Variants in ZNF507 observed in about 807,000 individuals in gnomAD.
The protein encoded by ZNF507 is zinc finger protein 507.
Under a neutral mutation model 80.0 loss-of-function variants are expected in ZNF507, and 29 were observed. That is an observed-to-expected ratio of 0.36 (90% CI 0.27 to 0.49). ZNF507 has a LOEUF of 0.49. ZNF507 is among the 20% of genes least tolerant of loss of function. The pLI is 0.98. For missense variants in ZNF507, 1,081 were observed against 1,152.2 expected, an observed-to-expected ratio of 0.94 and a Z score of 0.90; for synonymous variants, 462 against 422.5, an observed-to-expected ratio of 1.09 and a Z score of -1.15.
chr19:32,353,997 C>G lies in ZNF507; in HGVS notation c.1167C>G (p.Pro389=), dbSNP rs1359000125. 6.2e-7 allele frequency: 1 copy of G among 1,614,050 alleles called. No individual in the cohort carries two copies. The highest frequency in any genetic ancestry group is 8.5e-7 in the Non-Finnish European group (1 of 1,180,000). The stretch of plus-strand genomic sequence containing the variant: ...CACAGAAAATCATCAGCAGCAGCCC[C>G]AATAAAAAAGGGCATGTTAACGTGA... ...TSAQKIISSS[P]NKKGHVNVIV... The change falls in exon 3 of 7, where the codon CCC becomes CCG. Residue 389 remains proline, a synonymous_variant. Transcript: ENST00000355898.
rs1048576784 is a variant in ZNF507, at chr19:32,386,718, C to T, written c.*3635C>T. On this transcript the variant is annotated 3_prime_UTR_variant, in exon 7 of 7. Transcript: ENST00000355898. Reference sequence around the variant, plus strand: ...AGTTCATCTGTTCAGAACAGTGAGGCAAGGTCTGTAGTGCTTCTTTAACTA... The same window carrying T: ...AGTTCATCTGTTCAGAACAGTGAGGTAAGGTCTGTAGTGCTTCTTTAACTA... The T allele has an allele frequency of 4.6e-5, 7 of 152,604 alleles. No homozygotes were observed. The highest frequency in any genetic ancestry group is 7.3e-5 in the Non-Finnish European group (5 of 68,042). 9.5% of individuals were successfully genotyped at this position (152,604 alleles called of 1,614,324 possible). A position where few individuals can be genotyped will look rare whatever the true frequency, so the allele number is the denominator to read the frequency against.
At chr19:32,365,467 G>A (rs975681179) in intron 5 of ZNF507, among the ~76,000 whole-genome samples, 38 of 152,152 alleles carry the variant, frequency 2.5e-4, no homozygotes, top group African/African-American at 8.0e-4. Context: ...TGTAGTTTCA[G>A]GTCTTAGGTT....
intron 5 of ZNF507, among the ~76,000 whole-genome samples, chr19:32,360,907 G>T (rs1457822381): frequency 6.6e-6 from 1 of 152,166 alleles, no homozygotes; most frequent in Non-Finnish European, 1.5e-5. Flanking sequence ...AAAGTGCTGG[G>T]ATTGCAGGCG....
intron 3 of ZNF507, among the ~76,000 whole-genome samples, chr19:32,356,177 C>G (rs1373141092): frequency 3.3e-5 from 5 of 152,166 alleles, no homozygotes; most frequent in African/African-American, 4.8e-5. Context: ...GTAGAGGAGA[C>G]AGGATGTCCT....
intron 3 of ZNF507, 84 bp from the exon 4 acceptor site, chr19:32,356,532 A>T: frequency 1.1e-6 from 1 of 901,120 alleles, no homozygotes; most frequent in Admixed American, 2.1e-5. Flanking sequence ...AGGCCATGAA[A>T]GCAATGAACC....
At chr19:32,348,939 A>G (rs1312516852) in intron 2 of ZNF507, among the ~76,000 whole-genome samples, 1 of 152,218 alleles carries the variant, frequency 6.6e-6, no homozygotes, top group Non-Finnish European at 1.5e-5. Flanking sequence ...CCAAGGAAGC[A>G]AATGGCACGT....
rs989458286 is a variant in ZNF507, at chr19:32,386,801, A to G, written c.*3718A>G. ...TTATTTTGCTTTACAGGAGTTTGTC[A>G]TGTATTGACTTTAATATTGTATTTT... On this transcript the variant is annotated 3_prime_UTR_variant, in exon 7 of 7. Coordinates refer to ENST00000355898, the MANE Select transcript of ZNF507 (RefSeq NM_001136156.2). 1 of 152,640 alleles carries G rather than the reference A, an allele frequency of 6.6e-6. No individual in the cohort carries two copies. The highest frequency in any genetic ancestry group is 1.5e-5 in the Non-Finnish European group (1 of 68,034). 9.5% of individuals were successfully genotyped at this position (152,640 alleles called of 1,614,324 possible). A position where few individuals can be genotyped will look rare whatever the true frequency, so the allele number is the denominator to read the frequency against.
At chr19:32,376,629 C>T (rs1397906666) in intron 5 of ZNF507, among the ~76,000 whole-genome samples, 2 of 152,154 alleles carry the variant, frequency 1.3e-5, no homozygotes, top group Admixed American at 1.3e-4. Flanking sequence ...CCCACATGAT[C>T]GGTGGGTTTT....
chr19:32,375,071 C>T (rs1967528777), intron 5 of ZNF507, among the ~76,000 whole-genome samples: 1 of 151,422 alleles, frequency 6.6e-6, no homozygotes, highest in Admixed American at 6.6e-5. Flanking sequence ...AGGAAATACA[C>T]AGCTATACCC....
Position 32,373,358 on chromosome 19 carries a change from G to A in ZNF507, c.2361-9109G>A, listed in dbSNP as rs570712189. 1.2e-4 allele frequency among the ~76,000 whole-genome samples: 19 copies of A among 152,180 alleles called. No individual in the cohort carries two copies. In the South Asian group the frequency reaches 3.7e-3, roughly 30 times the overall value. On this transcript the variant is annotated intron_variant, in intron 5 of 6. Coordinates refer to ENST00000355898, the MANE Select transcript of ZNF507 (RefSeq NM_001136156.2). Reference sequence around the variant, plus strand: ...CCACATAGGAATTTCGGTGGGGGGTGGGTCACGTAAATTCAGATCATACCA... The same window carrying A: ...CCACATAGGAATTTCGGTGGGGGGTAGGTCACGTAAATTCAGATCATACCA...
Position 32,384,697 on chromosome 19 carries a change from A to G in ZNF507, c.*1614A>G, listed in dbSNP as rs1437418924. 1.9e-5 allele frequency: 1 copy of G among 51,488 alleles called. No individual in the cohort carries two copies. Among genetic ancestry groups the G allele is most frequent in the Admixed American group, 2.9e-4 (1 of 3,506 alleles). 3.2% of individuals were successfully genotyped at this position (51,488 alleles called of 1,614,324 possible). A position where few individuals can be genotyped will look rare whatever the true frequency, so the allele number is the denominator to read the frequency against. On this transcript the variant is annotated 3_prime_UTR_variant, in exon 7 of 7. Coordinates refer to ENST00000355898, the MANE Select transcript of ZNF507 (RefSeq NM_001136156.2). ...TTTAAGTGGGGCCAGGCATCTTGCA[A>G]CATTTTCTGATTTTTTTTTCTTTCT... is the stretch of plus-strand genomic sequence containing the variant.
chr19:32,386,249 T>G lies in ZNF507; in HGVS notation c.*3166T>G, dbSNP rs964375506. ...CTGCTGGTGGCTTCATAATTTTCTGTTTTTTTTCTCACAAAGTAAATGGTG... is the reference window on the plus strand; with the variant it reads ...CTGCTGGTGGCTTCATAATTTTCTGGTTTTTTTCTCACAAAGTAAATGGTG... On this transcript the variant is annotated 3_prime_UTR_variant, in exon 7 of 7. Coordinates refer to ENST00000355898, the MANE Select transcript of ZNF507 (RefSeq NM_001136156.2). 9 of 152,346 alleles carry G rather than the reference T, an allele frequency of 5.9e-5. No individual in the cohort carries two copies. Among genetic ancestry groups the G allele is most frequent in the Non-Finnish European group, 8.8e-5 (6 of 67,980 alleles). The allele number at this position is 152,346 out of a possible 1,614,324, so 9.4% of individuals were successfully genotyped here. A position where few individuals can be genotyped will look rare whatever the true frequency, so the allele number is the denominator to read the frequency against.
chr19:32,354,303 A>T lies in ZNF507; in HGVS notation c.1473A>T (p.Arg491=), dbSNP rs773362265. 4 of 1,614,046 alleles carry T rather than the reference A, an allele frequency of 2.5e-6. No individual in the cohort carries two copies. The African/African-American group carries it at 4.0e-5, about 16-fold the overall frequency. The change falls in exon 3 of 7, where the codon CGA becomes CGT. Residue 491 remains arginine (R), a synonymous_variant. Transcript: ENST00000355898. ...GAAGGACAAATTCTGAGTCTCTTCG[A>T]TTACACTCATTAGCTGCAGAAGCCC... ...GRRRTNSESL[R]LHSLAAEALV... is the part of the protein sequence containing the mutation.
In ZNF507 at chr19:32,383,877, C is replaced by G. The variant is rs1967655499; in HGVS notation, c.*794C>G. ...AGGTTCTTTTCAGTGTCTGTCAGAACTTGGCATACTTTCTCCATAGTACGT... is the reference window on the plus strand; with the variant it reads ...AGGTTCTTTTCAGTGTCTGTCAGAAGTTGGCATACTTTCTCCATAGTACGT... On this transcript the variant is annotated 3_prime_UTR_variant, in exon 7 of 7. Transcript: ENST00000355898. 6.6e-6 allele frequency: 1 copy of G among 152,204 alleles called. No individual in the cohort carries two copies. Among genetic ancestry groups the G allele is most frequent in the South Asian group, 2.1e-4 (1 of 4,828 alleles). 9.4% of individuals were successfully genotyped at this position (152,204 alleles called of 1,614,324 possible).
intron 5 of ZNF507, among the ~76,000 whole-genome samples, chr19:32,376,197 G>GA (rs1437075733): frequency 1.1e-4 from 17 of 152,124 alleles, no homozygotes; most frequent in South Asian, 6.2e-4. Flanking sequence ...TTTAAATACT[G>GA]AAAAATAGAC....
chr19:32,356,439 A>C (rs762516401), intron 3 of ZNF507, among the ~76,000 whole-genome samples, 177 bp from the exon 4 acceptor site: 4 of 152,206 alleles, frequency 2.6e-5, no homozygotes, highest in Non-Finnish European at 5.9e-5. Context: ...TGATTTGCTA[A>C]TGTACTTCTT....
chr19:32,378,313 G>A (rs1299675984), intron 5 of ZNF507, among the ~76,000 whole-genome samples: 3 of 152,178 alleles, frequency 2.0e-5, no homozygotes, highest in South Asian at 2.1e-4. Context: ...AGACCACAAC[G>A]CTGCACTCCA....
intron 5 of ZNF507, among the ~76,000 whole-genome samples, chr19:32,361,185 A>G (rs1248578217): frequency 1.3e-5 from 2 of 152,252 alleles, no homozygotes; most frequent in Non-Finnish European, 2.9e-5. Flanking sequence ...TTTCTATGAA[A>G]GAGTCCATTT....
At chr19:32,350,482 A>C (rs1294941205) in intron 2 of ZNF507, among the ~76,000 whole-genome samples, 2 of 152,176 alleles carry the variant, frequency 1.3e-5, no homozygotes, top group African/African-American at 4.8e-5. Flanking sequence ...GTTTTGTCAG[A>C]TTCTTTTGTA....
Sources: allele counts gnomAD v4.1 joint callset (sites outside exome capture counted in the v4.1 genomes callset), GRCh38; gene constraint gnomAD v4.1.1; transcripts MANE v1.5; gene names NCBI Gene and HGNC (gene_info 2026-07-23, HGNC 2026-07-21).